SRSF4: variants seen among roughly 807,000 people sequenced by gnomAD.
SRSF4 encodes the protein serine and arginine rich splicing factor 4, also known as serine/arginine-rich splicing factor 4.
SRSF4 carries 12 observed loss-of-function variants against 48.8 expected under a neutral mutation model. The ratio of observed to expected loss-of-function variants is 0.25; its 90% CI spans 0.16 to 0.40. The LOEUF (loss-of-function observed/expected upper bound fraction) is 0.40, where lower values mean the gene tolerates loss of function less well. SRSF4 is among the 10% of genes least tolerant of loss of function. The pLI is 1.00. For missense variants in SRSF4, 466 were observed against 667.1 expected, an observed-to-expected ratio of 0.70 and a Z score of 3.32; for synonymous variants, 248 against 232.5, an observed-to-expected ratio of 1.07 and a Z score of -0.61.
chr1:29,171,599 C>T (rs886189377), intron 1 of SRSF4: 110 of 151,776 alleles, frequency 7.2e-4, no homozygotes, highest in African/African-American at 2.6e-3. Flanking sequence ...TTAATATTTT[C>T]GGAAGTTTTA....
chr1:29,148,341 C>T lies in SRSF4; in HGVS notation c.*69G>A. The T allele has an allele frequency of 6.5e-7, 1 of 1,537,122 alleles. No individual in the cohort carries two copies. Among genetic ancestry groups the T allele is most frequent in the South Asian group, 1.3e-5 (1 of 79,434 alleles). ...CAGCAGTGACATGTTCTACTCCAATCACTTGTGCTACGGCTACCAAACATG... is the reference window on the plus strand; with the variant it reads ...CAGCAGTGACATGTTCTACTCCAATTACTTGTGCTACGGCTACCAAACATG... On this transcript the variant is annotated 3_prime_UTR_variant, in exon 6 of 6. Transcript: ENST00000373795.
rs1314317425 is a variant in SRSF4, at chr1:29,159,396, C to T, written c.341G>A (p.Arg114Gln). 6.2e-7 allele frequency: 1 copy of T among 1,613,900 alleles called. No individual in the cohort carries two copies. Among genetic ancestry groups the T allele is most frequent in the Non-Finnish European group, 8.5e-7 (1 of 1,179,920 alleles). ...YRLIVENLSS[R>Q]CSWQDLKDYM... Reference sequence around the variant, plus strand: ...AACCTTTAGGTCTTGCCAGCTGCACCGACTTGACAAATTCTCCACAATAAG... The same window carrying T: ...AACCTTTAGGTCTTGCCAGCTGCACTGACTTGACAAATTCTCCACAATAAG... Residue 114 changes from arginine to glutamine, a missense_variant, in exon 3 of 6, where the codon CGG (arginine) becomes CAG (glutamine). By Grantham distance (43) the Arg-to-Gln change is conservative. Transcript: ENST00000373795.
chr1:29,148,285 T>A lies in SRSF4; in HGVS notation c.*125A>T, dbSNP rs1032342262. ...AGGAAGCACTTAGATTTAACAATTA[T>A]AGACACACCATTAGGGGAGTTAAAA... On this transcript the variant is annotated 3_prime_UTR_variant, in exon 6 of 6. Coordinates refer to ENST00000373795, the MANE Select transcript of SRSF4 (RefSeq NM_005626.5). The A allele has an allele frequency of 3.1e-6, 4 of 1,310,250 alleles. No homozygotes were observed. In the East Asian group the frequency reaches 9.4e-5, roughly 31 times the overall value. 81.2% of individuals were successfully genotyped at this position (1,310,250 alleles called of 1,614,324 possible).
chr1:29,158,155 C>T (rs1672529694), intron 3 of SRSF4, among the ~76,000 whole-genome samples: 1 of 149,490 alleles, frequency 6.7e-6, no homozygotes, highest in South Asian at 2.1e-4. Context: ...GGCGAAAGGG[C>T]GAGACTCCAT....
Position 29,147,873 on chromosome 1 carries a change from C to A in SRSF4, c.*537G>T. ...TTTTTAATATAAAACAATATAATCACAATACCAGAATATGGAACTCTACAG... is the reference window on the plus strand; with the variant it reads ...TTTTTAATATAAAACAATATAATCAAAATACCAGAATATGGAACTCTACAG... On this transcript the variant is annotated 3_prime_UTR_variant, in exon 6 of 6. Transcript: ENST00000373795. 1 of 207,646 alleles carries A rather than the reference C, an allele frequency of 4.8e-6. No homozygotes were observed. Among genetic ancestry groups the A allele is most frequent in the Non-Finnish European group, 1.0e-5 (1 of 97,892 alleles). The allele number at this position is 207,646 out of a possible 1,614,324, so 12.9% of individuals were successfully genotyped here.
At chr1:29,165,497 C>G (rs989734173) in intron 1 of SRSF4, among the ~76,000 whole-genome samples, 3 of 152,200 alleles carry the variant, frequency 2.0e-5, no homozygotes, top group Non-Finnish European at 4.4e-5. Flanking sequence ...TTCTCTGATC[C>G]TAATAGCCTA....
At chr1:29,178,580 T>G (rs1440800972) in intron 1 of SRSF4, among the ~76,000 whole-genome samples, 1 of 151,736 alleles carries the variant, frequency 6.6e-6, no homozygotes, top group East Asian at 2.0e-4. Context: ...ATGGTCTCGA[T>G]CTCCTGACCT....
chr1:29,158,154 G>T (rs1672529670), intron 3 of SRSF4, among the ~76,000 whole-genome samples: 1 of 151,434 alleles, frequency 6.6e-6, no homozygotes, highest in South Asian at 2.1e-4. Context: ...AGGCGAAAGG[G>T]CGAGACTCCA....
At chr1:29,163,865 T>C (rs72876956) in intron 1 of SRSF4, among the ~76,000 whole-genome samples, 26 of 152,336 alleles carry the variant, frequency 1.7e-4, no homozygotes, top group African/African-American at 6.3e-4. Context: ...TGGGTTCTAG[T>C]CTTGGTTCTG....
intron 1 of SRSF4, among the ~76,000 whole-genome samples, chr1:29,178,359 T>TTTTTTTTTTG (rs1672901894): frequency 6.7e-6 from 1 of 148,854 alleles, no homozygotes; most frequent in Non-Finnish European, 1.5e-5. Context: ...ATTACTTTTT[T>TTTTTTTTTTG]TTTTGAGACA....
At position 29,176,467 on chromosome 1, in the gene SRSF4, G is replaced by T. The variant is rs146752450; in HGVS notation, c.107+5179C>A. Among the ~76,000 whole-genome samples the T allele has an allele frequency of 9.3e-4, 136 of 146,892 alleles. 1 individual carries two copies. The highest frequency in any genetic ancestry group is 3.5e-3 in the Middle Eastern group (1 of 288). On this transcript the variant is annotated intron_variant, in intron 1 of 5. Transcript: ENST00000373795. ...GACAGAGCCTTGGGAGAAGCCTTGGGAGAATTAAAAACTAAAAACTTTAAA... is the reference window on the plus strand; with the variant it reads ...GACAGAGCCTTGGGAGAAGCCTTGGTAGAATTAAAAACTAAAAACTTTAAA...
intron 5 of SRSF4, 56 bp from the exon 6 acceptor site, chr1:29,149,282 A>G: frequency 6.4e-7 from 1 of 1,573,778 alleles, no homozygotes; most frequent in East Asian, 2.2e-5. Flanking sequence ...TAATCAGGAG[A>G]TAAAAAGACC....
In SRSF4 at chr1:29,181,797, A is replaced by C. The variant is rs1380162522; in HGVS notation, c.-45T>G. 9 of 1,498,532 alleles carry C rather than the reference A, an allele frequency of 6.0e-6. No homozygotes were observed. Among genetic ancestry groups the C allele is most frequent in the Non-Finnish European group, 7.1e-6 (8 of 1,123,840 alleles). 92.8% of individuals were successfully genotyped at this position (1,498,532 alleles called of 1,614,324 possible). A position where few individuals can be genotyped will look rare whatever the true frequency, so the allele number is the denominator to read the frequency against. Reference sequence around the variant, plus strand: ...GCTGGCCCCGGCCCCAGCCCCCCTTAGGCGGCGGCGGGCAAAGCGAGAGCA... The same window carrying C: ...GCTGGCCCCGGCCCCAGCCCCCCTTCGGCGGCGGCGGGCAAAGCGAGAGCA... On this transcript the variant is annotated 5_prime_UTR_variant, in exon 1 of 6. Transcript: ENST00000373795.
intron 5 of SRSF4, 134 bp from the exon 6 acceptor site, chr1:29,149,360 T>G: frequency 8.7e-7 from 1 of 1,147,840 alleles, no homozygotes; most frequent in Non-Finnish European, 1.2e-6. Context: ...AGGATTGTTT[T>G]CTGAACCCTC....
At position 29,174,822 on chromosome 1, in the gene SRSF4, C is replaced by T. The variant is rs565325804; in HGVS notation, c.107+6824G>A. Among the ~76,000 whole-genome samples the T allele has an allele frequency of 6.3e-4, 96 of 151,368 alleles. 1 individual carries two copies. Among genetic ancestry groups the T allele is most frequent in the African/African-American group, 2.1e-3 (88 of 41,312 alleles). ...CTGAGTAGCTGGGACTACAGGCGTG[C>T]GCCATCATGCCCAGCTAATTTTTGT... is the stretch of plus-strand genomic sequence containing the variant. On this transcript the variant is annotated intron_variant, in intron 1 of 5. Transcript: ENST00000373795.
At position 29,148,326 on chromosome 1, in the gene SRSF4, A is replaced by C; in HGVS notation, c.*84T>G. On this transcript the variant is annotated 3_prime_UTR_variant, in exon 6 of 6. Coordinates refer to ENST00000373795, the MANE Select transcript of SRSF4 (RefSeq NM_005626.5). ...GGAGTTAAAAATGTACAGCAGTGAC[A>C]TGTTCTACTCCAATCACTTGTGCTA... 6.6e-7 allele frequency: 1 copy of C among 1,507,966 alleles called. No individual in the cohort carries two copies. Among genetic ancestry groups the C allele is most frequent in the Non-Finnish European group, 9.0e-7 (1 of 1,108,730 alleles). 93.4% of individuals were successfully genotyped at this position (1,507,966 alleles called of 1,614,324 possible).
At position 29,181,807 on chromosome 1, in the gene SRSF4, G is replaced by T; in HGVS notation, c.-55C>A. 2 of 1,451,386 alleles carry T rather than the reference G, an allele frequency of 1.4e-6. No individual in the cohort carries two copies. Among genetic ancestry groups the T allele is most frequent in the East Asian group, 2.8e-5 (1 of 36,112 alleles). The allele number at this position is 1,451,386 out of a possible 1,614,324, so 89.9% of individuals were successfully genotyped here. ...GCCCCAGCCCCCCTTAGGCGGCGGC[G>T]GGCAAAGCGAGAGCACGGCGGCAGC... On this transcript the variant is annotated 5_prime_UTR_variant, in exon 1 of 6. Transcript: ENST00000373795.
intron 1 of SRSF4, among the ~76,000 whole-genome samples, chr1:29,175,694 CAAAAAAA>C (rs60942124): frequency 2.5e-3 from 95 of 38,574 alleles, no homozygotes; most frequent in African/African-American, 0.011. Flanking sequence ...GACGCTGTCT[CAAAAAAA>C]AAAAAAAAAA....
intron 4 of SRSF4, among the ~76,000 whole-genome samples, chr1:29,151,101 C>T (rs1299078754): frequency 1.3e-5 from 2 of 152,156 alleles, no homozygotes; most frequent in Admixed American, 1.3e-4. Flanking sequence ...AGGCGTAAAG[C>T]AGGAAGTAGT....
Sources: allele counts gnomAD v4.1 joint callset (sites outside exome capture counted in the v4.1 genomes callset), GRCh38; gene constraint gnomAD v4.1.1; transcripts MANE v1.5; gene names NCBI Gene and HGNC (gene_info 2026-07-23, HGNC 2026-07-21).